The following ENTPD1 variants were observed in gnomAD, a reference collection of about 807,000 sequenced individuals.
The protein encoded by ENTPD1 is ATP diphosphohydrolase.
In ENTPD1, 33 loss-of-function variants were observed where a neutral mutation model predicts 57.0. The observed-to-expected ratio is 0.58, with a 90% CI of 0.44 to 0.77. ENTPD1 has a LOEUF of 0.77. Ranked by LOEUF, ENTPD1 falls within the 30% of genes least tolerant of loss-of-function variation. The probability of loss-of-function intolerance (pLI) is 0.00; values close to 1 mark genes in which losing one functional copy is unlikely to be tolerated. For synonymous variants in ENTPD1, 202 were observed against 218.8 expected, an observed-to-expected ratio of 0.92 and a Z score of 0.68; for missense variants, 501 against 603.4, an observed-to-expected ratio of 0.83 and a Z score of 1.78.
intron 1 of ENTPD1, among the ~76,000 whole-genome samples, chr10:95,809,040 G>C (rs1318531773): frequency 6.6e-6 from 1 of 152,118 alleles, no homozygotes; most frequent in Non-Finnish European, 1.5e-5. Flanking sequence ...GGGGTTGGGG[G>C]TAAGGTTATA....
chr10:95,793,673 C>T (rs188241743), intron 1 of ENTPD1, among the ~76,000 whole-genome samples: 1 of 152,192 alleles, frequency 6.6e-6, no homozygotes, highest in East Asian at 1.9e-4. Context: ...TTGTAATAAG[C>T]CTTCCAGGTG....
At chr10:95,803,191 A>T (rs995397286) in intron 1 of ENTPD1, among the ~76,000 whole-genome samples, 29 of 152,198 alleles carry the variant, frequency 1.9e-4, no homozygotes, top group Admixed American at 5.9e-4. Context: ...GTCCATGAGC[A>T]TGGAATGTTT....
intron 2 of ENTPD1, among the ~76,000 whole-genome samples, chr10:95,837,982 A>C (rs2098414284): frequency 6.8e-6 from 1 of 146,448 alleles, no homozygotes; most frequent in Non-Finnish European, 1.5e-5. Context: ...ACACACACAC[A>C]CCACACACCC....
chr10:95,837,095 T>G (rs2098411693), intron 2 of ENTPD1, among the ~76,000 whole-genome samples: 1 of 152,234 alleles, frequency 6.6e-6, no homozygotes, highest in Admixed American at 6.5e-5. Context: ...AGTAAAAGTT[T>G]TTGTTTCTCA....
chr10:95,806,510 C>T (rs2098273084), intron 1 of ENTPD1, among the ~76,000 whole-genome samples: 1 of 152,248 alleles, frequency 6.6e-6, no homozygotes, highest in Non-Finnish European at 1.5e-5. Context: ...AGTCATTCTC[C>T]ATCCAGCTTT....
At chr10:95,748,461 A>G (rs1277086301) in intron 1 of ENTPD1, among the ~76,000 whole-genome samples, 2 of 152,220 alleles carry the variant, frequency 1.3e-5, no homozygotes, top group East Asian at 3.8e-4. Flanking sequence ...ATCCCCATAT[A>G]CCATCCAGCT....
At chr10:95,773,663 C>G (rs746135784) in intron 1 of ENTPD1, among the ~76,000 whole-genome samples, 7 of 152,014 alleles carry the variant, frequency 4.6e-5, no homozygotes, top group Non-Finnish European at 8.8e-5. Context: ...AGCTTTGAAG[C>G]CATCCTTTTT....
intron 1 of ENTPD1, among the ~76,000 whole-genome samples, chr10:95,801,096 T>C (rs1006706629): frequency 1.3e-5 from 2 of 152,208 alleles, no homozygotes; most frequent in African/African-American, 4.8e-5. Context: ...CTGATAAATG[T>C]CCATGAAATC....
rs977644366 is a variant in ENTPD1 at position 95,861,884 on chromosome 10, T to C, written c.1188+1302T>C. 7.2e-4 allele frequency among the ~76,000 whole-genome samples: 110 copies of C among 152,054 alleles called. 2 individuals are homozygous for C. Among genetic ancestry groups the C allele is most frequent in the Admixed American group, 7.1e-3 (109 of 15,274 alleles). The stretch of plus-strand genomic sequence containing the variant: ...GGTGGTGGGCACCTGTAGTCCCAGC[T>C]ACTTGGGAGGCTGAAGCAGGAGAAT... On this transcript the variant is annotated intron_variant, in intron 8 of 9. Transcript: ENST00000371205.
intron 1 of ENTPD1, among the ~76,000 whole-genome samples, chr10:95,759,038 G>C (rs959986116): frequency 1.3e-5 from 2 of 152,160 alleles, no homozygotes; most frequent in African/African-American, 4.8e-5. Flanking sequence ...TACACACCAG[G>C]CTCTTGTGCA....
chr10:95,870,818 G>A lies in ENTPD1; in HGVS notation c.*4435G>A. The stretch of plus-strand genomic sequence containing the variant: ...CCATGTTTCTTTCCATTTGTATTAG[G>A]TCCTTTACTTTTTATAACAGCCTCA... On this transcript the variant is annotated 3_prime_UTR_variant, in exon 10 of 10. Coordinates refer to ENST00000371205, the MANE Select transcript of ENTPD1 (RefSeq NM_001776.6). 2.0e-6 allele frequency: 2 copies of A among 985,296 alleles called. No homozygotes were observed. The highest frequency in any genetic ancestry group is 2.4e-6 in the Non-Finnish European group (2 of 829,920). 61.0% of individuals were successfully genotyped at this position (985,296 alleles called of 1,614,324 possible).
At chr10:95,759,578 G>A (rs1566112706) in intron 1 of ENTPD1, among the ~76,000 whole-genome samples, 1 of 152,150 alleles carries the variant, frequency 6.6e-6, no homozygotes, top group African/African-American at 2.4e-5. Context: ...CATAAAGTAC[G>A]CTATGGTTTT....
chr10:95,702,744 A>G, the ENTPD1 span, among the ~76,000 whole-genome samples: 2 of 152,228 alleles, frequency 1.3e-5, no homozygotes, highest in African/African-American at 2.4e-5. Flanking sequence ...TTTAAAATGT[A>G]TAGCTTAAAA....
intron 1 of ENTPD1, among the ~76,000 whole-genome samples, chr10:95,735,452 A>C (rs2097993669): frequency 6.6e-6 from 1 of 152,230 alleles, no homozygotes; most frequent in Admixed American, 6.5e-5. Flanking sequence ...ATTTCATAGA[A>C]GATATCATTT....
intron 2 of ENTPD1, 118 bp downstream of exon 2, chr10:95,823,482 G>C: frequency 6.7e-7 from 1 of 1,490,592 alleles, no homozygotes; most frequent in Non-Finnish European, 9.2e-7. Context: ...AACAGCCCAG[G>C]AACAAGTCAA....
chr10:95,777,881 C>T (rs1383064919), intron 1 of ENTPD1, among the ~76,000 whole-genome samples: 1 of 152,184 alleles, frequency 6.6e-6, no homozygotes, highest in East Asian at 1.9e-4. Flanking sequence ...CCTCCGCCTG[C>T]CTCGCAGGTT....
chr10:95,844,793 G>C (rs1192049316), intron 5 of ENTPD1, 158 bp downstream of exon 5: 2 of 937,760 alleles, frequency 2.1e-6, no homozygotes, highest in Non-Finnish European at 3.4e-6. Context: ...ACATTTGTAA[G>C]GGTCACCAGA....
chr10:95,713,025 T>G (rs2097967526), intron 1 of ENTPD1, among the ~76,000 whole-genome samples: 1 of 132,326 alleles, frequency 7.6e-6, no homozygotes. Context: ...CAGAGCGAGA[T>G]TCTGTCTTAA....
At position 95,871,474 on chromosome 10, in the gene ENTPD1, C is replaced by G; in HGVS notation, c.*5091C>G. Reference sequence around the variant, plus strand: ...ATCTATGTATTTTTCTTATTTTATACGTTTAGGACAATGTATAGCTAATTA... The same window carrying G: ...ATCTATGTATTTTTCTTATTTTATAGGTTTAGGACAATGTATAGCTAATTA... On this transcript the variant is annotated 3_prime_UTR_variant, in exon 10 of 10. Coordinates refer to ENST00000371205, the MANE Select transcript of ENTPD1 (RefSeq NM_001776.6). 3.0e-6 allele frequency: 3 copies of G among 985,360 alleles called. No individual in the cohort carries two copies. The highest frequency in any genetic ancestry group is 3.6e-6 in the Non-Finnish European group (3 of 829,902). The allele number at this position is 985,360 out of a possible 1,614,324, so 61.0% of individuals were successfully genotyped here. A position where few individuals can be genotyped will look rare whatever the true frequency, so the allele number is the denominator to read the frequency against.
Sources: allele counts gnomAD v4.1 joint callset (sites outside exome capture counted in the v4.1 genomes callset), GRCh38; gene constraint gnomAD v4.1.1; transcripts MANE v1.5; gene names NCBI Gene and HGNC (gene_info 2026-07-23, HGNC 2026-07-21).